CCDC73: variants seen among roughly 807,000 people sequenced by gnomAD.
CCDC73 encodes coiled-coil domain containing 73.
CCDC73 carries 95 observed loss-of-function variants against 116.5 expected under a neutral mutation model. The observed-to-expected ratio is 0.82, with a 90% CI of 0.69 to 0.97. CCDC73 has a LOEUF of 0.97. Ranked by LOEUF, CCDC73 falls within the 50% of genes least tolerant of loss-of-function variation. The pLI is 0.00. For missense variants in CCDC73, 1,066 were observed against 1,206.8 expected, an observed-to-expected ratio of 0.88 and a Z score of 1.73; for synonymous variants, 398 against 401.3, an observed-to-expected ratio of 0.99 and a Z score of 0.10.
chr11:32,619,288 A>G (rs1374697281), intron 14 of CCDC73, among the ~76,000 whole-genome samples: 6 of 152,216 alleles, frequency 3.9e-5, no homozygotes, highest in African/African-American at 1.4e-4. Context: ...TTAGTATTCT[A>G]ATGCACATTT....
the CCDC73 span, among the ~76,000 whole-genome samples, chr11:32,819,433 G>A: frequency 1.3e-5 from 2 of 150,994 alleles, no homozygotes; most frequent in South Asian, 2.1e-4. Flanking sequence ...TAGCCAATGA[G>A]TGTGTAAAAA....
At chr11:32,613,049 A>G (rs1351043102) in intron 16 of CCDC73, among the ~76,000 whole-genome samples, 1 of 152,222 alleles carries the variant, frequency 6.6e-6, no homozygotes, top group East Asian at 1.9e-4. Flanking sequence ...ATTACTTATA[A>G]AACAGAAGGA....
At position 32,759,663 on chromosome 11, in the gene CCDC73, C is replaced by A. The variant is rs552260524; in HGVS notation, c.135+446G>T. Among the ~76,000 whole-genome samples the A allele has an allele frequency of 1.2e-4, 19 of 152,296 alleles. No individual in the cohort carries two copies. In the East Asian group the frequency reaches 3.3e-3, roughly 26 times the overall value. On this transcript the variant is annotated intron_variant, in intron 2 of 17. Transcript: ENST00000335185. ...CTTTTTAAAATAAAGATATTTGATT[C>A]TTTCAACCCAGAATATTTACTACAT...
the CCDC73 span, among the ~76,000 whole-genome samples, chr11:32,826,660 C>CAAAAAAAAAAAAAA: frequency 7.5e-6 from 1 of 133,264 alleles, no homozygotes; most frequent in Non-Finnish European, 1.6e-5. Flanking sequence ...AAAAAAAAAA[C>CAAAAAAAAAAAAAA]AAAAAAAAAA....
In CCDC73 at chr11:32,635,761, T is replaced by C; in HGVS notation, c.1120A>G (p.Lys374Glu). The C allele has an allele frequency of 7.8e-7, 1 of 1,280,930 alleles. No homozygotes were observed. Among genetic ancestry groups the C allele is most frequent in the Non-Finnish European group, 1.0e-6 (1 of 990,446 alleles). The allele number at this position is 1,280,930 out of a possible 1,614,324, so 79.3% of individuals were successfully genotyped here. The change falls in exon 14 of 18, where the codon AAG becomes GAG. Residue 374 changes from lysine to glutamate, a missense_variant. Coordinates refer to ENST00000335185, the MANE Select transcript of CCDC73 (RefSeq NM_001008391.4). ...ELSSLKETHIKLQEHYNKLCN... is the reference protein window; with the variant it reads ...ELSSLKETHIELQEHYNKLCN... ...AATTTGTTATAATGTTCTTGTAACT[T>C]AATATGAGTTTCTTTAAGGGATGAT...
the CCDC73 span, among the ~76,000 whole-genome samples, chr11:32,815,401 C>T: frequency 4.5e-4 from 68 of 150,942 alleles, 1 homozygote; most frequent in Non-Finnish European, 4.4e-5. Flanking sequence ...GAGGCACAGT[C>T]ATAACTCATT....
chr11:32,785,085 G>A (rs1850616169), intron 1 of CCDC73, among the ~76,000 whole-genome samples: 1 of 152,208 alleles, frequency 6.6e-6, no homozygotes, highest in East Asian at 1.9e-4. Context: ...AGAATCACTT[G>A]AACCCGGGAG....
chr11:32,623,636 G>A (rs911505698), intron 14 of CCDC73, among the ~76,000 whole-genome samples: 2 of 152,178 alleles, frequency 1.3e-5, no homozygotes, highest in Non-Finnish European at 2.9e-5. Context: ...TTACATGCAT[G>A]AGCCACCATG....
chr11:32,610,894 C>T lies in CCDC73; in HGVS notation c.3030+238G>A, dbSNP rs561311440. ...TGAGTAAGAAATAGAAGTACATATCCGATGCCTCACACTCTCCTTCCCCAA... is the reference window on the plus strand; with the variant it reads ...TGAGTAAGAAATAGAAGTACATATCTGATGCCTCACACTCTCCTTCCCCAA... On this transcript the variant is annotated intron_variant, in intron 17 of 17. Transcript: ENST00000335185. 1.4e-4 allele frequency among the ~76,000 whole-genome samples: 22 copies of T among 152,256 alleles called. 1 individual carries two copies. Among genetic ancestry groups the T allele is most frequent in the Admixed American group, 4.6e-4 (7 of 15,286 alleles).
upstream of CCDC73, among the ~76,000 whole-genome samples, chr11:32,799,047 C>T (rs1590654113): frequency 1.3e-5 from 2 of 151,578 alleles, no homozygotes; most frequent in Admixed American, 6.6e-5. Flanking sequence ...GTAGCTAAGA[C>T]CACAGGAGTG....
At chr11:32,611,325 A>G in intron 16 of CCDC73, 60 bp from the exon 17 acceptor site, 1 of 1,428,562 alleles carries the variant, frequency 7.0e-7, no homozygotes, top group Non-Finnish European at 9.7e-7. Context: ...CATTTTAGTG[A>G]CTGAACTTGT....
intron 2 of CCDC73, among the ~76,000 whole-genome samples, chr11:32,723,671 C>G (rs749187084): frequency 9.9e-5 from 15 of 152,236 alleles, no homozygotes; most frequent in Non-Finnish European, 1.9e-4. Context: ...AGGCATGACA[C>G]TTTCTAAAGG....
At chr11:32,737,368 C>T (rs1023133919) in intron 2 of CCDC73, among the ~76,000 whole-genome samples, 43 of 151,954 alleles carry the variant, frequency 2.8e-4, no homozygotes, top group African/African-American at 9.9e-4. Context: ...ATAATCCCAG[C>T]ACTTTGGGAG....
intron 6 of CCDC73, 122 bp from the exon 7 acceptor site, chr11:32,683,696 A>C: frequency 1.7e-6 from 1 of 602,934 alleles, no homozygotes; most frequent in Non-Finnish European, 2.9e-6. Flanking sequence ...TTATTGATTT[A>C]TTCAACACAC....
chr11:32,760,405 G>A (rs914798945), intron 1 of CCDC73, 147 bp from the exon 2 acceptor site: 21 of 519,988 alleles, frequency 4.0e-5, no homozygotes, highest in Non-Finnish European at 6.0e-5. Context: ...CCACTCTAAT[G>A]TTGACCAAAA....
chr11:32,686,689 T>G (rs973195109), intron 6 of CCDC73, among the ~76,000 whole-genome samples: 1 of 152,178 alleles, frequency 6.6e-6, no homozygotes, highest in Non-Finnish European at 1.5e-5. Flanking sequence ...CCTTATTATC[T>G]CTGCATTTTA....
chr11:32,779,441 T>G (rs1850563492), intron 1 of CCDC73, among the ~76,000 whole-genome samples: 1 of 152,222 alleles, frequency 6.6e-6, no homozygotes, highest in South Asian at 2.1e-4. Flanking sequence ...TTCAGGCCAG[T>G]AATGTGACCA....
intron 9 of CCDC73, among the ~76,000 whole-genome samples, chr11:32,665,440 G>A (rs938864121): frequency 2.6e-4 from 39 of 152,062 alleles, no homozygotes; most frequent in Non-Finnish European, 4.9e-4. Flanking sequence ...TTTGATCTTT[G>A]TTGGTTTAAA....
At chr11:32,730,866 T>A (rs565206857) in intron 2 of CCDC73, among the ~76,000 whole-genome samples, 1 of 152,306 alleles carries the variant, frequency 6.6e-6, no homozygotes, top group African/African-American at 2.4e-5. Flanking sequence ...AGATGGGTGA[T>A]TTCTGCATTT....
Sources: allele counts gnomAD v4.1 joint callset (sites outside exome capture counted in the v4.1 genomes callset), GRCh38; gene constraint gnomAD v4.1.1; transcripts MANE v1.5; gene names NCBI Gene and HGNC (gene_info 2026-07-23, HGNC 2026-07-21).